GRB14: variants seen among roughly 807,000 people sequenced by gnomAD.
GRB14 encodes the protein growth factor receptor bound protein 14, also known as growth factor receptor-bound protein 14.
GRB14 carries 38 observed loss-of-function variants against 69.1 expected under a neutral mutation model. The observed-to-expected ratio is 0.55, with a 90% CI of 0.42 to 0.72. GRB14 has a LOEUF of 0.72. Among genes scored for constraint, GRB14 ranks in the 30% least tolerant of loss-of-function variants. The pLI is 0.00. For synonymous variants in GRB14, 247 were observed against 241.3 expected (o/e 1.02, Z -0.22); for missense variants, 666 against 666.1 (o/e 1.00, Z 0.00).
intron 3 of GRB14, among the ~76,000 whole-genome samples, chr2:164,539,387 A>C (rs1270943799): frequency 1.3e-5 from 2 of 151,974 alleles, no homozygotes; most frequent in Non-Finnish European, 2.9e-5. Context: ...AGGCGCAAGA[A>C]TCACTTGCAG....
At chr2:164,561,373 A>G (rs911593665) in intron 2 of GRB14, among the ~76,000 whole-genome samples, 6 of 152,194 alleles carry the variant, frequency 3.9e-5, no homozygotes, top group Non-Finnish European at 8.8e-5. Context: ...AAAATAAGGC[A>G]TTTCTGAATA....
chr2:164,502,523 G>A (rs904256810), intron 8 of GRB14, among the ~76,000 whole-genome samples, 188 bp from the exon 9 acceptor site: 18 of 152,032 alleles, frequency 1.2e-4, no homozygotes, highest in African/African-American at 4.1e-4. Context: ...GACAATTGAA[G>A]TCTTTTACTT....
At chr2:164,544,747 T>A (rs1338316015) in intron 3 of GRB14, among the ~76,000 whole-genome samples, 1 of 152,184 alleles carries the variant, frequency 6.6e-6, no homozygotes, top group Admixed American at 6.5e-5. Flanking sequence ...TCATCAGCTA[T>A]CAGCTGAGGA....
chr2:164,510,226 G>C (rs757489634), intron 6 of GRB14, among the ~76,000 whole-genome samples: 1 of 152,196 alleles, frequency 6.6e-6, no homozygotes, highest in Non-Finnish European at 1.5e-5. Flanking sequence ...ATTCAAACAA[G>C]AGTAAAAGGT....
At chr2:164,543,253 A>G (rs1688283577) in intron 3 of GRB14, among the ~76,000 whole-genome samples, 1 of 152,038 alleles carries the variant, frequency 6.6e-6, no homozygotes, top group South Asian at 2.1e-4. Flanking sequence ...GTGAGCTAAG[A>G]TCGCGCCACT....
At chr2:164,618,207 T>C (rs1690355604) in intron 2 of GRB14, among the ~76,000 whole-genome samples, 2 of 151,856 alleles carry the variant, frequency 1.3e-5, no homozygotes, top group African/African-American at 2.4e-5. Context: ...CTTCGTGATC[T>C]GCCCGCCTCA....
chr2:164,522,722 G>A (rs1170608732), intron 5 of GRB14, among the ~76,000 whole-genome samples: 2 of 152,066 alleles, frequency 1.3e-5, no homozygotes, highest in East Asian at 1.9e-4. Context: ...GGTGGATGTG[G>A]CAGGTCATGT....
chr2:164,538,858 G>A (rs1688154446), intron 3 of GRB14, among the ~76,000 whole-genome samples: 1 of 152,028 alleles, frequency 6.6e-6, no homozygotes, highest in African/African-American at 2.4e-5. Flanking sequence ...AAGGTGAACT[G>A]GGTTGGCTCA....
At chr2:164,595,136 C>T (rs2105348407) in intron 2 of GRB14, among the ~76,000 whole-genome samples, 1 of 152,278 alleles carries the variant, frequency 6.6e-6, no homozygotes, top group South Asian at 2.1e-4. Flanking sequence ...TCCAGATGAT[C>T]AAATACTTGA....
At chr2:164,501,445 T>C (rs1687049944) in intron 9 of GRB14, among the ~76,000 whole-genome samples, 2 of 152,130 alleles carry the variant, frequency 1.3e-5, no homozygotes, top group African/African-American at 4.8e-5. Flanking sequence ...GTAACACATG[T>C]GCATACATCT....
chr2:164,555,941 G>A (rs558854187), intron 2 of GRB14, among the ~76,000 whole-genome samples: 1 of 145,998 alleles, frequency 6.8e-6, no homozygotes, highest in Non-Finnish European at 1.5e-5. Flanking sequence ...TAATAGATAG[G>A]CAATGTACTA....
At chr2:164,523,028 C>A (rs1366622832) in intron 5 of GRB14, among the ~76,000 whole-genome samples, 18 of 152,012 alleles carry the variant, frequency 1.2e-4, no homozygotes, top group Admixed American at 8.5e-4. Flanking sequence ...AAAAGCCCTG[C>A]AGGATGAGAC....
intron 2 of GRB14, among the ~76,000 whole-genome samples, chr2:164,554,828 G>A (rs1688638097): frequency 6.6e-6 from 1 of 151,672 alleles, no homozygotes; most frequent in African/African-American, 2.4e-5. Context: ...TTCATAAAAA[G>A]TAAGTGGAGG....
At chr2:164,579,877 T>C (rs1317122508) in intron 2 of GRB14, among the ~76,000 whole-genome samples, 1 of 152,136 alleles carries the variant, frequency 6.6e-6, no homozygotes, top group Non-Finnish European at 1.5e-5. Flanking sequence ...AAAGTGGTTA[T>C]TTTTAATGTA....
At chr2:164,504,726 A>C (rs1687146078) in intron 8 of GRB14, among the ~76,000 whole-genome samples, 1 of 152,172 alleles carries the variant, frequency 6.6e-6, no homozygotes, top group African/African-American at 2.4e-5. Context: ...ATGGTCCCCC[A>C]AAGATGTCCA....
chr2:164,503,169 T>TAAAAAAAAAAAAA (rs3086552), intron 8 of GRB14, among the ~76,000 whole-genome samples: 2 of 126,604 alleles, frequency 1.6e-5, no homozygotes, highest in East Asian at 2.3e-4. Flanking sequence ...GCTACTTTGT[T>TAAAAAAAAAAAAA]AAAAAAAAAA....
At chr2:164,573,148 T>C (rs1689161745) in intron 2 of GRB14, among the ~76,000 whole-genome samples, 2 of 152,226 alleles carry the variant, frequency 1.3e-5, no homozygotes, top group Non-Finnish European at 2.9e-5. Context: ...TTTGATAACT[T>C]ATAAATCCTT....
rs142753267 is a variant in GRB14 at position 164,589,285 on chromosome 2, C to T, written c.324+30402G>A. Reference sequence around the variant, plus strand: ...ACTTTATTTATCCTTTTACAAAATCCTATAAGCTCTACTTTGCAGTTTCAC... The same window carrying T: ...ACTTTATTTATCCTTTTACAAAATCTTATAAGCTCTACTTTGCAGTTTCAC... On this transcript the variant is annotated intron_variant, in intron 2 of 13. Coordinates refer to ENST00000263915, the MANE Select transcript of GRB14 (RefSeq NM_004490.3). Among the ~76,000 whole-genome samples the T allele has an allele frequency of 6.6e-4, 100 of 152,208 alleles. No homozygotes were observed. In the East Asian group the frequency reaches 0.014, roughly 22 times the overall value.
chr2:164,554,522 C>G (rs559735371), intron 2 of GRB14, among the ~76,000 whole-genome samples: 53 of 152,204 alleles, frequency 3.5e-4, no homozygotes, highest in Admixed American at 1.1e-3. Context: ...AACAACCCAC[C>G]AGCATAAACA....
Sources: allele counts gnomAD v4.1 joint callset (sites outside exome capture counted in the v4.1 genomes callset), GRCh38; gene constraint gnomAD v4.1.1; transcripts MANE v1.5; gene names NCBI Gene and HGNC (gene_info 2026-07-23, HGNC 2026-07-21).